HS6ST2: variants seen among roughly 807,000 people sequenced by gnomAD.
The protein encoded by HS6ST2 is heparan sulfate 6-O-sulfotransferase 2, also known as heparan-sulfate 6-O-sulfotransferase 2.
In HS6ST2, 17 loss-of-function variants were observed where a neutral mutation model predicts 33.0. The observed-to-expected ratio is 0.52, with a 90% CI of 0.35 to 0.77. The LOEUF is 0.77. HS6ST2 is among the 30% of genes least tolerant of loss of function. The probability of loss-of-function intolerance (pLI) is 0.01; values close to 1 mark genes in which losing one functional copy is unlikely to be tolerated. For synonymous variants in HS6ST2, 248 were observed against 237.1 expected, an observed-to-expected ratio of 1.05 and a Z score of -0.42; for missense variants, 519 against 551.7, an observed-to-expected ratio of 0.94 and a Z score of 0.59.
intron 2 of HS6ST2, among the ~76,000 whole-genome samples, chrX:132,745,561 G>C (rs2064631297): frequency 8.9e-6 from 1 of 112,015 alleles, no homozygotes; most frequent in African/African-American, 3.2e-5. Flanking sequence ...GCTTGATGTG[G>C]ACCCAGACAC....
chrX:132,816,799 G>A (rs747576376), intron 2 of HS6ST2, among the ~76,000 whole-genome samples: 3 of 111,440 alleles, frequency 2.7e-5, no homozygotes, highest in East Asian at 5.6e-4. Flanking sequence ...GAAGCTTCCG[G>A]GCCCTAGGAA....
At chrX:132,633,207 C>T (rs759542257) in intron 4 of HS6ST2, among the ~76,000 whole-genome samples, 5 of 109,849 alleles carry the variant, frequency 4.6e-5, no homozygotes, top group South Asian at 4.0e-4. Flanking sequence ...AAAAACCTCC[C>T]GGGGAGTGAA....
chrX:132,726,692 C>T (rs757575317), intron 2 of HS6ST2, among the ~76,000 whole-genome samples: 1 of 112,186 alleles, frequency 8.9e-6, no homozygotes, highest in East Asian at 2.8e-4. Context: ...CCCCTACTAC[C>T]AGTCATCTAC....
At chrX:132,889,217 A>G (rs1386483835) in intron 2 of HS6ST2, among the ~76,000 whole-genome samples, 1 of 111,108 alleles carries the variant, frequency 9.0e-6, no homozygotes, top group Non-Finnish European at 1.9e-5. Context: ...AGAAAGTACT[A>G]CTGATCTGTG....
intron 2 of HS6ST2, among the ~76,000 whole-genome samples, chrX:132,775,049 C>G (rs1343722067): frequency 9.0e-6 from 1 of 110,897 alleles, no homozygotes; most frequent in Non-Finnish European, 1.9e-5. Context: ...GCTGACGACA[C>G]TAAGTAGCCT....
intron 2 of HS6ST2, among the ~76,000 whole-genome samples, chrX:132,956,340 A>T (rs2067070739): frequency 9.9e-6 from 1 of 101,068 alleles, no homozygotes; most frequent in Non-Finnish European, 2.0e-5. Context: ...AATAGACGAA[A>T]TAGGGGGGAA....
chrX:132,950,558 A>G (rs1474336943), intron 2 of HS6ST2, among the ~76,000 whole-genome samples: 3 of 111,464 alleles, frequency 2.7e-5, no homozygotes, highest in Non-Finnish European at 5.7e-5. Context: ...TGTTTGTTTT[A>G]ATCAGGGTTA....
chrX:132,674,902 A>T (rs1368523564), intron 3 of HS6ST2, among the ~76,000 whole-genome samples: 1 of 112,006 alleles, frequency 8.9e-6, no homozygotes, highest in African/African-American at 3.2e-5. Context: ...GATCTGAAAT[A>T]TAATGAGAGG....
At chrX:132,839,052 C>A in intron 2 of HS6ST2, among the ~76,000 whole-genome samples, 1 of 89,095 alleles carries the variant, frequency 1.1e-5, no homozygotes, top group African/African-American at 4.3e-5. Context: ...AGTACAACCT[C>A]TATGGAAAAC....
intron 4 of HS6ST2, among the ~76,000 whole-genome samples, chrX:132,632,974 G>T (rs1414024830): frequency 2.8e-5 from 3 of 108,130 alleles, no homozygotes; most frequent in African/African-American, 1.0e-4. Context: ...TACTAGGGAG[G>T]CTGAGGCGAG....
chrX:132,694,304 A>G (rs1384769561), intron 3 of HS6ST2, among the ~76,000 whole-genome samples: 1 of 111,986 alleles, frequency 8.9e-6, no homozygotes, highest in African/African-American at 3.2e-5. Flanking sequence ...CTCCTTGGCA[A>G]TCCTATTCCT....
intron 2 of HS6ST2, among the ~76,000 whole-genome samples, chrX:132,776,796 T>C (rs2064964246): frequency 9.0e-6 from 1 of 111,384 alleles, no homozygotes; most frequent in African/African-American, 3.3e-5. Flanking sequence ...CACCGCAGTC[T>C]TAGAACCATA....
At chrX:132,634,466 C>A (rs1025517731) in intron 4 of HS6ST2, among the ~76,000 whole-genome samples, 2 of 111,699 alleles carry the variant, frequency 1.8e-5, no homozygotes, top group African/African-American at 6.5e-5. Flanking sequence ...GCCATGACTC[C>A]CCATTGGGTT....
chrX:132,811,694 A>ATG (rs1365806195), intron 2 of HS6ST2, among the ~76,000 whole-genome samples: 1 of 79,442 alleles, frequency 1.3e-5, no homozygotes, highest in African/African-American at 4.6e-5. Flanking sequence ...TAATATATAT[A>ATG]TATATATATA....
At chrX:132,941,139 A>G (rs1053828460) in intron 2 of HS6ST2, among the ~76,000 whole-genome samples, 3 of 111,995 alleles carry the variant, frequency 2.7e-5, no homozygotes, top group Non-Finnish European at 3.8e-5. Context: ...GAGTTCGTCA[A>G]TGCAACTGCT....
intron 2 of HS6ST2, among the ~76,000 whole-genome samples, chrX:132,916,943 C>T (rs964701901): frequency 1.1e-4 from 12 of 111,828 alleles, no homozygotes; most frequent in Non-Finnish European, 1.5e-4. Flanking sequence ...ATACATCTAT[C>T]CTATTAGTTC....
chrX:132,747,762 TCCAGC>T (rs762483677), intron 2 of HS6ST2, among the ~76,000 whole-genome samples: 14 of 110,349 alleles, frequency 1.3e-4, no homozygotes, highest in Non-Finnish European at 2.3e-4. Flanking sequence ...AAAACAAAAG[TCCAGC>T]CAGAGAGGAG....
chrX:132,952,533 G>T (rs1211040428), intron 2 of HS6ST2, among the ~76,000 whole-genome samples: 1 of 111,129 alleles, frequency 9.0e-6, no homozygotes, highest in Non-Finnish European at 1.9e-5. Context: ...TGTGAGGCAT[G>T]ATCAGGTACA....
chrX:132,943,280 T>C (rs1007741672), intron 2 of HS6ST2, among the ~76,000 whole-genome samples: 2 of 111,807 alleles, frequency 1.8e-5, no homozygotes, highest in Non-Finnish European at 3.8e-5. Flanking sequence ...TTAGTAGACA[T>C]TAAAATATAC....
Sources: allele counts gnomAD v4.1 joint callset (sites outside exome capture counted in the v4.1 genomes callset), GRCh38; gene constraint gnomAD v4.1.1; transcripts MANE v1.5; gene names NCBI Gene and HGNC (gene_info 2026-07-23, HGNC 2026-07-21).